The following TEX2 variants were observed in gnomAD, a reference collection of about 807,000 sequenced individuals.
TEX2 encodes the protein testis-expressed protein 2.
In TEX2, 53 loss-of-function variants were observed where a neutral mutation model predicts 106.9. The observed-to-expected ratio is 0.50, with a 90% CI of 0.40 to 0.62. TEX2 has a LOEUF of 0.62. TEX2 is among the 20% of genes least tolerant of loss of function. The probability of loss-of-function intolerance (pLI) is 0.00; values close to 1 mark genes in which losing one functional copy is unlikely to be tolerated. For synonymous variants in TEX2, 523 were observed against 534.8 expected, an observed-to-expected ratio of 0.98 and a Z score of 0.30; for missense variants, 1,207 against 1,379.0, an observed-to-expected ratio of 0.88 and a Z score of 1.98.
At chr17:64,159,026 A>G (rs2030762944) in intron 8 of TEX2, among the ~76,000 whole-genome samples, 1 of 152,186 alleles carries the variant, frequency 6.6e-6, no homozygotes, top group South Asian at 2.1e-4. Context: ...TCTTTTTTTC[A>G]CTCAGTCTAG....
chr17:64,236,682 C>A (rs562116501), intron 1 of TEX2, among the ~76,000 whole-genome samples: 1 of 152,016 alleles, frequency 6.6e-6, no homozygotes, highest in African/African-American at 2.4e-5. Context: ...CTATGGATAC[C>A]GAGGGATGAT....
chr17:64,214,439 A>G (rs532772076), intron 1 of TEX2, among the ~76,000 whole-genome samples, 197 bp from the exon 2 acceptor site: 9 of 152,320 alleles, frequency 5.9e-5, no homozygotes, highest in African/African-American at 2.2e-4. Flanking sequence ...CTCTTTTATG[A>G]GCAAACTACA....
chr17:64,240,891 A>C (rs2033875496), intron 1 of TEX2, among the ~76,000 whole-genome samples: 1 of 152,192 alleles, frequency 6.6e-6, no homozygotes, highest in Non-Finnish European at 1.5e-5. Flanking sequence ...AATAGGAATA[A>C]CTTCAGGGCT....
chr17:64,252,377 A>G (rs1302409215), intron 1 of TEX2, among the ~76,000 whole-genome samples: 1 of 152,086 alleles, frequency 6.6e-6, no homozygotes, highest in African/African-American at 2.4e-5. Context: ...CAGTGGCACA[A>G]TGATGGCTCA....
rs1187785810 is a variant in TEX2, at chr17:64,214,101, C to T, written c.117G>A (p.Ser39=). 25 of 1,614,050 alleles carry T rather than the reference C, an allele frequency of 1.5e-5. No individual in the cohort carries two copies. Among genetic ancestry groups the T allele is most frequent in the East Asian group, 2.2e-5 (1 of 44,890 alleles). The change falls in exon 2 of 12, where the codon TCG becomes TCA. Residue 39 remains serine (S), a synonymous_variant. Coordinates refer to ENST00000584379, the MANE Select transcript of TEX2 (RefSeq NM_001288732.2). The part of the protein sequence containing the change: ...VSRDTIAIHF[S]ASGEEEEEEE... ...CTTCCTCCTCCTCCTCGCCGGATGCCGAGAAGTGAATGGCGATGGTATCTC... is the reference window on the plus strand; with the variant it reads ...CTTCCTCCTCCTCCTCGCCGGATGCTGAGAAGTGAATGGCGATGGTATCTC...
rs559238041 is a variant in TEX2, at chr17:64,260,360, G to A, written c.-26+2808C>T. On this transcript the variant is annotated intron_variant, in intron 1 of 11. Transcript: ENST00000584379. ...GTGTGTTTTGTTTGCTTGGACACAG[G>A]GTCTTACTCTGTCATCCAGGATGGT... Among the ~76,000 whole-genome samples, 3 of 152,278 alleles carry A rather than the reference G, an allele frequency of 2.0e-5. No individual in the cohort carries two copies. In the South Asian group the frequency reaches 6.2e-4, roughly 32 times the overall value.
chr17:64,183,196 G>A (rs2031948219), intron 5 of TEX2, among the ~76,000 whole-genome samples: 1 of 152,192 alleles, frequency 6.6e-6, no homozygotes, highest in Non-Finnish European at 1.5e-5. Flanking sequence ...GCAAGCCACT[G>A]TGCCCCACCA....
At position 64,183,169 on chromosome 17, in the gene TEX2, C is replaced by G. The variant is rs151310464; in HGVS notation, c.2424+4999G>C. On this transcript the variant is annotated intron_variant, in intron 5 of 11. Transcript: ENST00000584379. ...AATCCACCCACCTCAGCCTTCCGAA[C>G]TGCTGGGCTTACAGGCGCAAGCCAC... is the stretch of plus-strand genomic sequence containing the variant. 5.0e-3 allele frequency among the ~76,000 whole-genome samples: 768 copies of G among 152,314 alleles called. 7 individuals carry two copies. The highest frequency in any genetic ancestry group is 0.017 in the African/African-American group (721 of 41,586).
intron 1 of TEX2, among the ~76,000 whole-genome samples, chr17:64,227,254 T>C (rs1011854958): frequency 5.9e-4 from 86 of 146,064 alleles, no homozygotes; most frequent in Admixed American, 2.0e-3. Context: ...ATGACATCAA[T>C]ATGGGGGCAA....
chr17:64,182,909 G>A (rs1274737136), intron 5 of TEX2, among the ~76,000 whole-genome samples: 1 of 144,082 alleles, frequency 6.9e-6, no homozygotes, highest in Non-Finnish European at 1.5e-5. Flanking sequence ...CTTTTGTTGT[G>A]TTTTTTTTTT....
intron 8 of TEX2, among the ~76,000 whole-genome samples, chr17:64,156,854 C>T (rs1485771367): frequency 6.6e-6 from 1 of 152,212 alleles, no homozygotes; most frequent in Non-Finnish European, 1.5e-5. Context: ...CTTGTGTCCC[C>T]ACTGGGCCAT....
At position 64,225,773 on chromosome 17, in the gene TEX2, A is replaced by C. The variant is rs1013525456; in HGVS notation, c.-25-11531T>G. On this transcript the variant is annotated intron_variant, in intron 1 of 11. Transcript: ENST00000584379. ...CGATCTGTCACCCAGGCTGGAGTGC[A>C]GTGGCAAGATTTCAGCTCACTCCAA... 7.2e-5 allele frequency among the ~76,000 whole-genome samples: 11 copies of C among 151,982 alleles called. No individual in the cohort carries two copies. In the East Asian group the frequency reaches 2.1e-3, roughly 29 times the overall value.
Position 64,223,818 on chromosome 17 carries a change from C to T in TEX2, c.-25-9576G>A, listed in dbSNP as rs150941865. On this transcript the variant is annotated intron_variant, in intron 1 of 11. Transcript: ENST00000584379. ...GCAACCTCCAGCTCCCAGGTTCAAGCGATTCTCCTGCTTCAGCCTCCTGAG... is the reference window on the plus strand; with the variant it reads ...GCAACCTCCAGCTCCCAGGTTCAAGTGATTCTCCTGCTTCAGCCTCCTGAG... Among the ~76,000 whole-genome samples the T allele has an allele frequency of 2.7e-5, 4 of 149,528 alleles. No individual in the cohort carries two copies. In the East Asian group the frequency reaches 6.0e-4, roughly 22 times the overall value.
chr17:64,183,710 G>A (rs1275923643), intron 5 of TEX2, among the ~76,000 whole-genome samples: 1 of 152,224 alleles, frequency 6.6e-6, no homozygotes, highest in Non-Finnish European at 1.5e-5. Context: ...TTATAGGCGT[G>A]AGCCACCGCA....
intron 8 of TEX2, among the ~76,000 whole-genome samples, chr17:64,157,848 T>C (rs1410725922): frequency 1.3e-5 from 2 of 152,216 alleles, no homozygotes; most frequent in Non-Finnish European, 2.9e-5. Context: ...GGCCACCTTC[T>C]GACTTGGGGA....
intron 1 of TEX2, among the ~76,000 whole-genome samples, chr17:64,262,332 A>C (rs568401391): frequency 1.3e-5 from 2 of 152,248 alleles, no homozygotes; most frequent in African/African-American, 2.4e-5. Flanking sequence ...TTTGACGCCC[A>C]GTAACCATAA....
intron 1 of TEX2, among the ~76,000 whole-genome samples, chr17:64,238,792 G>A (rs1555635424): frequency 6.6e-6 from 1 of 152,164 alleles, no homozygotes; most frequent in Non-Finnish European, 1.5e-5. Flanking sequence ...TATGGGTGGG[G>A]ACACAGCCAA....
chr17:64,193,463 G>GGTTC, intron 4 of TEX2, 96 bp downstream of exon 4: 1 of 993,976 alleles, frequency 1.0e-6, no homozygotes, highest in Non-Finnish European at 1.4e-6. Flanking sequence ...TTCAGGGTGG[G>GGTTC]CTTCCTTCCT....
At chr17:64,206,364 C>T (rs2032829183) in intron 2 of TEX2, among the ~76,000 whole-genome samples, 1 of 152,294 alleles carries the variant, frequency 6.6e-6, no homozygotes, top group Middle Eastern at 3.4e-3. Context: ...TGGTATTGGC[C>T]TTTGTGCCAA....
Sources: gnomAD v4.1 joint callset for allele counts (sites outside exome capture counted in the v4.1 genomes callset) on GRCh38, gnomAD v4.1.1 for gene constraint, MANE v1.5 for transcripts, NCBI Gene and HGNC (gene_info 2026-07-23, HGNC 2026-07-21) for gene names.